UHMK1: variants seen among roughly 807,000 people sequenced by gnomAD.
UHMK1 encodes the protein U2AF homology motif kinase 1.
In UHMK1, 18 loss-of-function variants were observed where a neutral mutation model predicts 44.0. That is an observed-to-expected ratio of 0.41 (90% CI 0.28 to 0.61). The LOEUF is 0.61. Ranked by LOEUF, UHMK1 falls within the 20% of genes least tolerant of loss-of-function variation. The pLI is 0.31. For synonymous variants in UHMK1, 231 were observed against 198.5 expected (o/e 1.16, Z -1.38); for missense variants, 463 against 522.5 (o/e 0.89, Z 1.11).
At chr1:162,517,348 AG>A (rs1185457653) in intron 6 of UHMK1, among the ~76,000 whole-genome samples, 2 of 152,228 alleles carry the variant, frequency 1.3e-5, no homozygotes, top group East Asian at 1.9e-4. Flanking sequence ...AGATATGCAT[AG>A]GGGGGTTATC....
intron 6 of UHMK1, among the ~76,000 whole-genome samples, chr1:162,516,096 A>G (rs147161504): frequency 1.8e-4 from 28 of 152,078 alleles, no homozygotes; most frequent in South Asian, 4.2e-4. Context: ...AGACAACCAT[A>G]TAACCCTCCT....
At chr1:162,514,289 G>GAAA (rs745897881) in intron 6 of UHMK1, among the ~76,000 whole-genome samples, 2 of 132,980 alleles carry the variant, frequency 1.5e-5, no homozygotes, top group Admixed American at 1.5e-4. Flanking sequence ...ACCATCTCTG[G>GAAA]AAAAAAAAAA....
chr1:162,521,623 A>AAG (rs1293536199), intron 7 of UHMK1, among the ~76,000 whole-genome samples: 5 of 151,950 alleles, frequency 3.3e-5, no homozygotes, highest in Admixed American at 2.0e-4. Context: ...ACGCCCAGTT[A>AAG]GATTTTGTTT....
At chr1:162,510,071 A>T (rs114441096) in intron 4 of UHMK1, among the ~76,000 whole-genome samples, 80 of 151,348 alleles carry the variant, frequency 5.3e-4, no homozygotes, top group Admixed American at 1.2e-3. Flanking sequence ...TTATTAGACT[A>T]TAACAGCATC....
At chr1:162,513,794 G>GT (rs1324945353) in intron 6 of UHMK1, among the ~76,000 whole-genome samples, 13 of 152,214 alleles carry the variant, frequency 8.5e-5, no homozygotes, top group African/African-American at 3.1e-4. Flanking sequence ...AGTTTGCTAT[G>GT]TTTAAGAATT....
intron 6 of UHMK1, among the ~76,000 whole-genome samples, chr1:162,515,907 G>A (rs534336283): frequency 9.2e-4 from 140 of 152,112 alleles, no homozygotes; most frequent in Non-Finnish European, 1.7e-3. Context: ...GGTGGCGGGC[G>A]CCTGTAGTCC....
Position 162,498,181 on chromosome 1 carries a change from A to G in UHMK1, c.181A>G (p.Thr61Ala), listed in dbSNP as rs1651129157. The G allele has an allele frequency of 6.2e-6, 10 of 1,613,174 alleles. 1 individual carries two copies. Among genetic ancestry groups the G allele is most frequent in the African/African-American group, 5.3e-5 (4 of 75,062 alleles). Residue 61 changes from threonine (T) to alanine (A), a missense_variant, in exon 1 of 8, where the codon ACC becomes GCC. Thr to Ala is a moderately conservative substitution (Grantham distance 58). This residue lies in a region of UHMK1 where 191 missense variants were observed against 176.0 expected (regional missense o/e 1.09). Transcript: ENST00000489294. Reference sequence around the variant, plus strand: ...CCTCAAGCAGTTCTTGCCGCCAGGAACCACCGGGGCTGCGGCCTCTGCCGC... The same window carrying G: ...CCTCAAGCAGTTCTTGCCGCCAGGAGCCACCGGGGCTGCGGCCTCTGCCGC... ...GALKQFLPPG[T>A]TGAAASAAEY...
chr1:162,506,744 A>G (rs1571008307), intron 4 of UHMK1, among the ~76,000 whole-genome samples: 3 of 152,160 alleles, frequency 2.0e-5, no homozygotes, highest in Admixed American at 1.3e-4. Context: ...ACGTGCCTAT[A>G]ATCCTAGCTA....
At chr1:162,502,056 G>T (rs1651290360) in intron 3 of UHMK1, among the ~76,000 whole-genome samples, 1 of 151,992 alleles carries the variant, frequency 6.6e-6, no homozygotes. Context: ...CACACCTGTA[G>T]TCCCAGCTAC....
chr1:162,500,956 C>T lies in UHMK1; in HGVS notation c.605C>T (p.Ala202Val). Residue 202 changes from alanine (A) to valine (V), a missense_variant, in exon 3 of 8, where the codon GCA becomes GTA. This residue lies in a region of UHMK1 where 264 missense variants were observed against 326.3 expected (regional missense o/e 0.81). Coordinates refer to ENST00000489294, the MANE Select transcript of UHMK1 (RefSeq NM_175866.5). ...IQTDGYRAPE[A>V]ELQNCLAQAG... ...ACAGACGGGTATCGGGCTCCAGAAGCAGAATTGCAAAATTGCTTGGCCCAG... is the reference window on the plus strand; with the variant it reads ...ACAGACGGGTATCGGGCTCCAGAAGTAGAATTGCAAAATTGCTTGGCCCAG... 2 of 1,614,010 alleles carry T rather than the reference C, an allele frequency of 1.2e-6. No individual in the cohort carries two copies. The highest frequency in any genetic ancestry group is 8.5e-7 in the Non-Finnish European group (1 of 1,179,994).
chr1:162,522,373 A>T, intron 7 of UHMK1, 31 bp from the exon 8 acceptor site: 2 of 1,611,948 alleles, frequency 1.2e-6, no homozygotes, highest in Non-Finnish European at 1.7e-6. Context: ...CTTGGTGGAA[A>T]TGAAATGTTT....
chr1:162,513,988 T>C (rs1651753122), intron 6 of UHMK1, among the ~76,000 whole-genome samples: 1 of 152,168 alleles, frequency 6.6e-6, no homozygotes, highest in Non-Finnish European at 1.5e-5. Context: ...TGTATTTTAG[T>C]AGGGACATTT....
chr1:162,500,828 C>T, intron 2 of UHMK1, 85 bp from the exon 3 acceptor site: 3 of 1,358,280 alleles, frequency 2.2e-6, no homozygotes, highest in Middle Eastern at 2.3e-4. Context: ...GTTTACTGCA[C>T]TCTTAGGGAA....
chr1:162,497,764 G>A (rs1278276517), upstream of UHMK1: 4 of 1,262,058 alleles, frequency 3.2e-6, no homozygotes, highest in African/African-American at 4.8e-5. Context: ...CGCCCCTTCT[G>A]AGCCCCCCCT....
intron 6 of UHMK1, 127 bp downstream of exon 6, chr1:162,512,950 ACTCTCACTTTT>A (rs1186278660): frequency 4.2e-6 from 4 of 954,696 alleles, no homozygotes; most frequent in Admixed American, 5.0e-5. Flanking sequence ...TCTCTAATAT[ACTCTCACTTTT>A]ATCTTTTTGA....
chr1:162,507,078 C>T (rs908180133), intron 4 of UHMK1, among the ~76,000 whole-genome samples: 21 of 151,316 alleles, frequency 1.4e-4, no homozygotes, highest in African/African-American at 3.2e-4. Context: ...CGTCTACATA[C>T]GTTTGATTTT....
At chr1:162,506,227 C>G (rs1284350846) in intron 4 of UHMK1, among the ~76,000 whole-genome samples, 2 of 85,904 alleles carry the variant, frequency 2.3e-5, no homozygotes, top group Non-Finnish European at 4.2e-5. Context: ...ATAATAGCCC[C>G]CCCCCCCCCA....
chr1:162,513,859 C>T (rs912538247), intron 6 of UHMK1, among the ~76,000 whole-genome samples: 2 of 152,090 alleles, frequency 1.3e-5, no homozygotes, highest in East Asian at 1.9e-4. Context: ...AAGAACTTTG[C>T]GTCAGGTATA....
At chr1:162,518,280 A>G in intron 7 of UHMK1, 90 bp downstream of exon 7, 1 of 886,826 alleles carries the variant, frequency 1.1e-6, no homozygotes, top group Non-Finnish European at 1.8e-6. Context: ...ATGTACAACA[A>G]AATTTTGCTA....
Sources: gnomAD v4.1 joint callset for allele counts (sites outside exome capture counted in the v4.1 genomes callset) on GRCh38, gnomAD v4.1.1 for gene constraint, gnomAD v4.1.1 regional missense constraint, MANE v1.5 for transcripts, NCBI Gene and HGNC (gene_info 2026-07-23, HGNC 2026-07-21) for gene names.